The following CSTPP1 variants were observed in gnomAD, a reference collection of about 807,000 sequenced individuals.
CSTPP1 encodes the protein centriolar satellite-associated tubulin polyglutamylase complex regulator 1.
the CSTPP1 span, among the ~76,000 whole-genome samples, chr11:47,055,573 CTTA>C: frequency 6.6e-6 from 1 of 152,130 alleles, no homozygotes; most frequent in African/African-American, 2.4e-5. Context: ...CACCCAATAT[CTTA>C]TTAGTTCCAC....
the CSTPP1 span, among the ~76,000 whole-genome samples, chr11:46,972,940 CAA>C: frequency 6.6e-6 from 1 of 152,238 alleles, no homozygotes; most frequent in Non-Finnish European, 1.5e-5. Flanking sequence ...TATTTATACT[CAA>C]GAGATTAAGG....
the CSTPP1 span, among the ~76,000 whole-genome samples, chr11:46,976,870 A>G: frequency 6.6e-6 from 1 of 152,140 alleles, no homozygotes; most frequent in Non-Finnish European, 1.5e-5. Flanking sequence ...GCTTCCTGAG[A>G]ATACTGAAGT....
At chr11:47,058,059 C>A in the CSTPP1 span, among the ~76,000 whole-genome samples, 5 of 152,202 alleles carry the variant, frequency 3.3e-5, no homozygotes, top group African/African-American at 1.2e-4. Flanking sequence ...ACAGGCCAGG[C>A]ATGGTGGCTC....
At chr11:46,987,445 G>T in the CSTPP1 span, 2 of 732,250 alleles carry the variant, frequency 2.7e-6, no homozygotes, top group South Asian at 1.6e-5. Context: ...TAGGTTGGTT[G>T]TGGGCCGCCC....
chr11:46,945,495 G>A, the CSTPP1 span, among the ~76,000 whole-genome samples: 3 of 152,176 alleles, frequency 2.0e-5, no homozygotes, highest in Admixed American at 2.0e-4. Context: ...CGCACCTGGA[G>A]TCCCAGCTAC....
chr11:47,111,953 C>T, the CSTPP1 span, among the ~76,000 whole-genome samples: 2 of 152,060 alleles, frequency 1.3e-5, no homozygotes, highest in South Asian at 2.1e-4. Context: ...TGAACTGGCC[C>T]ATTATTTCTC....
chr11:46,997,458 A>G, the CSTPP1 span, among the ~76,000 whole-genome samples: 2 of 152,172 alleles, frequency 1.3e-5, no homozygotes, highest in South Asian at 4.1e-4. Flanking sequence ...CCATTCGTCT[A>G]ATCATTTTTC....
chr11:46,942,463 A>G, the CSTPP1 span, among the ~76,000 whole-genome samples: 1 of 152,046 alleles, frequency 6.6e-6, no homozygotes, highest in Admixed American at 6.6e-5. Context: ...TTTTTACTCC[A>G]CCTAATTTGG....
chr11:46,954,234 G>T, the CSTPP1 span, among the ~76,000 whole-genome samples: 1 of 152,172 alleles, frequency 6.6e-6, no homozygotes, highest in Non-Finnish European at 1.5e-5. Flanking sequence ...AAAACATGAT[G>T]TCACAAATAA....
chr11:47,080,182 G>A, the CSTPP1 span, among the ~76,000 whole-genome samples: 2 of 152,130 alleles, frequency 1.3e-5, no homozygotes, highest in Admixed American at 6.5e-5. Flanking sequence ...AGGGCCGGGC[G>A]CGGTGGCTCA....
At chr11:47,116,916 C>G in the CSTPP1 span, among the ~76,000 whole-genome samples, 1 of 152,158 alleles carries the variant, frequency 6.6e-6, no homozygotes, top group East Asian at 1.9e-4. Context: ...CTCCTGACCT[C>G]GTGATCTGCC....
the CSTPP1 span, chr11:47,138,034 G>T: frequency 1.6e-5 from 6 of 385,190 alleles, no homozygotes; most frequent in Admixed American, 8.3e-5. Context: ...CACCCTAGAG[G>T]ATATTCTGAG....
At chr11:47,129,010 T>C in the CSTPP1 span, among the ~76,000 whole-genome samples, 1 of 152,232 alleles carries the variant, frequency 6.6e-6, no homozygotes, top group African/African-American at 2.4e-5. Context: ...ATGTTTTCTC[T>C]TGCCTTTAGT....
the CSTPP1 span, chr11:47,137,294 T>G: frequency 7.5e-7 from 1 of 1,327,780 alleles, no homozygotes; most frequent in Non-Finnish European, 9.9e-7. Context: ...TTAACCGGCT[T>G]TGAAATGACT....
At chr11:47,087,057 C>T in the CSTPP1 span, among the ~76,000 whole-genome samples, 1 of 152,108 alleles carries the variant, frequency 6.6e-6, no homozygotes, top group Non-Finnish European at 1.5e-5. Flanking sequence ...ATGATATAGG[C>T]TGGTTGAATA....
At chr11:47,025,139 G>A in the CSTPP1 span, among the ~76,000 whole-genome samples, 1 of 152,146 alleles carries the variant, frequency 6.6e-6, no homozygotes, top group Non-Finnish European at 1.5e-5. Context: ...TTTAACTAAA[G>A]TTGGGAATAT....
chr11:47,153,744 G>A, the CSTPP1 span, among the ~76,000 whole-genome samples: 1 of 152,152 alleles, frequency 6.6e-6, no homozygotes, highest in Non-Finnish European at 1.5e-5. Flanking sequence ...ATAAAGACTA[G>A]GCAGGAACCA....
the CSTPP1 span, among the ~76,000 whole-genome samples, chr11:46,965,800 A>G: frequency 6.6e-6 from 1 of 152,230 alleles, no homozygotes; most frequent in Non-Finnish European, 1.5e-5. Flanking sequence ...CTAGAGAAAT[A>G]GTAGTTTCTT....
At chr11:47,036,193 TTATATATTATATATTATATTAATATATAA>T in the CSTPP1 span, among the ~76,000 whole-genome samples, 1 of 54,068 alleles carries the variant, frequency 1.8e-5, no homozygotes, top group African/African-American at 5.8e-5. Context: ...TATATTTATA[TTATATATTATATATTATATTAATATATAA>T]TATATATAAT....
Sources: gnomAD v4.1 joint callset for allele counts (sites outside exome capture counted in the v4.1 genomes callset) on GRCh38, gnomAD v4.1.1 for gene constraint, MANE v1.5 for transcripts, NCBI Gene and HGNC (gene_info 2026-07-23, HGNC 2026-07-21) for gene names.